BTD: variants seen among roughly 807,000 people sequenced by gnomAD.
BTD encodes biotinidase.
In BTD, 13 loss-of-function variants were observed where a neutral mutation model predicts 17.7. The ratio of observed to expected loss-of-function variants is 0.74; its 90% confidence interval spans 0.48 to 1.17. The LOEUF is 1.17. Ranked by LOEUF, BTD falls within the 50% of genes most tolerant of loss-of-function variation. The pLI, the probability that BTD is intolerant of heterozygous loss-of-function variation, is 0.00. For synonymous variants in BTD, 240 were observed against 245.2 expected, an observed-to-expected ratio of 0.98 and a Z score of 0.20; for missense variants, 674 against 650.4, an observed-to-expected ratio of 1.04 and a Z score of -0.39.
chr3:15,633,633 G>C (rs2065270380), intron 1 of BTD, among the ~76,000 whole-genome samples: 1 of 152,174 alleles, frequency 6.6e-6, no homozygotes, highest in African/African-American at 2.4e-5. Flanking sequence ...CTTGGCCCCA[G>C]GCACTCCTCA....
At chr3:15,663,288 C>T (rs1268512387) in intron 3 of BTD, among the ~76,000 whole-genome samples, 2 of 152,244 alleles carry the variant, frequency 1.3e-5, no homozygotes, top group African/African-American at 4.8e-5. Context: ...GCCGCCGCGC[C>T]TGGCCTACAG....
intron 4 of BTD, among the ~76,000 whole-genome samples, chr3:15,720,754 C>T (rs2073640347): frequency 1.3e-5 from 2 of 152,104 alleles, no homozygotes; most frequent in African/African-American, 2.4e-5. Context: ...AAAGAATGTA[C>T]ATACTCTTGA....
intron 4 of BTD, among the ~76,000 whole-genome samples, chr3:15,718,624 T>G (rs938527675): frequency 2.0e-5 from 3 of 151,780 alleles, no homozygotes; most frequent in African/African-American, 7.3e-5. Flanking sequence ...CATGCCAAAA[T>G]GGCAGTGCAT....
rs2065824001 is a variant in BTD, at chr3:15,652,665, T to C, written c.*7177T>C. On this transcript the variant is annotated 3_prime_UTR_variant, in exon 4 of 4. Coordinates refer to ENST00000643237, the MANE Select transcript of BTD (RefSeq NM_001370658.1). ...TAAAATCCTAGGTTTTGAGGTAATTTATTATACAGCAATAGAAAACTAATA... is the reference window on the plus strand; with the variant it reads ...TAAAATCCTAGGTTTTGAGGTAATTCATTATACAGCAATAGAAAACTAATA... 6.6e-6 allele frequency among the ~76,000 whole-genome samples: 1 copy of C among 152,204 alleles called. No individual in the cohort carries two copies. The highest frequency in any genetic ancestry group is 1.5e-5 in the Non-Finnish European group (1 of 68,034).
At position 15,646,476 on chromosome 3, in the gene BTD, A is replaced by G. The variant is rs1371714005; in HGVS notation, c.*988A>G. On this transcript the variant is annotated 3_prime_UTR_variant, in exon 4 of 4. Coordinates refer to ENST00000643237, the MANE Select transcript of BTD (RefSeq NM_001370658.1). ...GCATGAAGGGTGGCCCACTTTAGTC[A>G]TGCATTTATTCAATCACCCAACAGG... 6.6e-6 allele frequency: 1 copy of G among 152,264 alleles called. No homozygotes were observed. The highest frequency in any genetic ancestry group is 1.5e-5 in the Non-Finnish European group (1 of 68,050). 9.4% of individuals were successfully genotyped at this position (152,264 alleles called of 1,614,324 possible). A position where few individuals can be genotyped will look rare whatever the true frequency, so the allele number is the denominator to read the frequency against.
chr3:15,635,798 A>ATCCAGGTAG lies in BTD; in HGVS notation c.249+112_249+120dup. 1 of 1,508,230 alleles carries ATCCAGGTAG rather than the reference A, an allele frequency of 6.6e-7. No individual in the cohort carries two copies. The highest frequency in any genetic ancestry group is 1.7e-5 in the Admixed American group (1 of 58,468). 93.4% of individuals were successfully genotyped at this position (1,508,230 alleles called of 1,614,324 possible). A position where few individuals can be genotyped will look rare whatever the true frequency, so the allele number is the denominator to read the frequency against. ...GCTTCCTACCACCCTCTGAAAAAGCATCCAGGTAGTTAACCTGAGTTGAGT... is the reference window on the plus strand; with the variant it reads ...GCTTCCTACCACCCTCTGAAAAAGCATCCAGGTAGTCCAGGTAGTTAACCTGAGTTGAGT... On this transcript the variant is annotated intron_variant, in intron 2 of 3. Coordinates refer to ENST00000643237, the MANE Select transcript of BTD (RefSeq NM_001370658.1). The surrounding 1 kb of genome is among the most constrained non-coding windows in gnomAD (Gnocchi z 4.1).
At chr3:15,706,009 A>G (rs2071315805) in intron 3 of BTD, among the ~76,000 whole-genome samples, 1 of 150,446 alleles carries the variant, frequency 6.6e-6, no homozygotes, top group Non-Finnish European at 1.5e-5. Flanking sequence ...TCAAAACGAA[A>G]CAAAACAACA....
chr3:15,605,476 A>G (rs1287619513), intron 1 of BTD, among the ~76,000 whole-genome samples: 1 of 152,202 alleles, frequency 6.6e-6, no homozygotes, highest in Non-Finnish European at 1.5e-5. Context: ...TAACCAAACC[A>G]TATCAGGGAC....
intron 1 of BTD, among the ~76,000 whole-genome samples, chr3:15,634,744 C>G (rs749952162): frequency 6.6e-6 from 1 of 152,164 alleles, no homozygotes; most frequent in Non-Finnish European, 1.5e-5. Flanking sequence ...TGGCGATTCT[C>G]AAGTTCAAGG....
At position 15,647,442 on chromosome 3, in the gene BTD, C is replaced by G. The variant is rs534102050; in HGVS notation, c.*1954C>G. ...GCACCTGCAGGATCCTCATTCTGCC[C>G]TTCTGGGCAGAGCACCACGAACTTT... On this transcript the variant is annotated 3_prime_UTR_variant, in exon 4 of 4. Transcript: ENST00000643237. The G allele has an allele frequency of 1.3e-5, 2 of 152,202 alleles. No individual in the cohort carries two copies. The highest frequency in any genetic ancestry group is 2.9e-5 in the Non-Finnish European group (2 of 68,032). The allele number at this position is 152,202 out of a possible 1,614,324, so 9.4% of individuals were successfully genotyped here.
At chr3:15,680,267 C>T (rs760500966) in intron 3 of BTD, among the ~76,000 whole-genome samples, 8 of 151,886 alleles carry the variant, frequency 5.3e-5, no homozygotes, top group South Asian at 2.1e-4. Flanking sequence ...TGCAGTGGCG[C>T]GATCTTGGCT....
At chr3:15,689,981 A>G in intron 3 of BTD, 2 of 1,516,140 alleles carry the variant, frequency 1.3e-6, no homozygotes, top group Non-Finnish European at 1.8e-6. Flanking sequence ...AGTATTGGAT[A>G]GAAGTTATAA....
chr3:15,713,751 C>G (rs542961485), downstream of BTD: 4 of 561,414 alleles, frequency 7.1e-6, no homozygotes, highest in African/African-American at 1.9e-5. Context: ...ATAGATACAG[C>G]AATTTTAACT....
chr3:15,687,220 G>A (rs1320712589), intron 3 of BTD, among the ~76,000 whole-genome samples: 1 of 152,046 alleles, frequency 6.6e-6, no homozygotes, highest in Non-Finnish European at 1.5e-5. Context: ...TGGGATTACA[G>A]GCATGAGCCA....
At chr3:15,626,723 G>A (rs962521991) in intron 1 of BTD, among the ~76,000 whole-genome samples, 4 of 147,482 alleles carry the variant, frequency 2.7e-5, no homozygotes, top group Admixed American at 1.4e-4. Flanking sequence ...GCTGCTGTGA[G>A]CTATGTATGA....
intron 1 of BTD, among the ~76,000 whole-genome samples, chr3:15,612,564 TGCTAG>T (rs1384786414): frequency 3.3e-5 from 5 of 152,206 alleles, no homozygotes; most frequent in Non-Finnish European, 5.9e-5. Flanking sequence ...TCAAGAATTT[TGCTAG>T]GCTATCTGCC....
At chr3:15,636,483 T>C (rs1167554080) in intron 2 of BTD, among the ~76,000 whole-genome samples, 2 of 152,094 alleles carry the variant, frequency 1.3e-5, no homozygotes, top group East Asian at 3.9e-4. Context: ...CCTAAGAAAA[T>C]GCCCTGCTGG....
At chr3:15,663,612 CATG>C (rs936704480) in intron 3 of BTD, among the ~76,000 whole-genome samples, 1 of 152,118 alleles carries the variant, frequency 6.6e-6, no homozygotes, top group Admixed American at 6.5e-5. Flanking sequence ...TGAAGTTGTT[CATG>C]ATATTCCTTT....
intron 3 of BTD, among the ~76,000 whole-genome samples, chr3:15,671,332 G>T (rs574921447): frequency 2.0e-5 from 3 of 152,156 alleles, no homozygotes; most frequent in Non-Finnish European, 4.4e-5. Context: ...CGGAGCGGGA[G>T]AGAAGTGATA....
Sources: allele counts gnomAD v4.1 joint callset (sites outside exome capture counted in the v4.1 genomes callset), GRCh38; gene constraint gnomAD v4.1.1; non-coding constraint Gnocchi (gnomAD v3.1); transcripts MANE v1.5; gene names NCBI Gene and HGNC (gene_info 2026-07-23, HGNC 2026-07-21).